DSP: variants seen among roughly 807,000 people sequenced by gnomAD.
The protein encoded by DSP is desmoplakin.
In DSP, 114 loss-of-function variants were observed where a neutral mutation model predicts 290.6. The observed-to-expected ratio is 0.39, with a 90% CI of 0.34 to 0.46. DSP has a LOEUF of 0.46. Ranked by LOEUF, DSP falls within the 20% of genes least tolerant of loss-of-function variation. DSP has a pLI of 0.99. For missense variants in DSP, 3,230 were observed against 3,495.8 expected (o/e 0.92, Z 1.92); for synonymous variants, 1,311 against 1,316.4 (o/e 1.00, Z 0.09).
intron 1 of DSP, among the ~76,000 whole-genome samples, chr6:7,553,684 T>C (rs1365849913): frequency 6.6e-6 from 1 of 152,208 alleles, no homozygotes; most frequent in Non-Finnish European, 1.5e-5. Flanking sequence ...CTCAGCAGTA[T>C]GAGAAACGGA....
chr6:7,570,312 C>T, intron 12 of DSP, 125 bp from the exon 13 acceptor site: 2 of 1,398,006 alleles, frequency 1.4e-6, no homozygotes, highest in Non-Finnish European at 2.0e-6. Flanking sequence ...AGTTATACCT[C>T]TACCTGTTAC....
rs752494572 is a variant in DSP, at chr6:7,542,008, C to T, written c.93C>T (p.Thr31=). The stretch of plus-strand genomic sequence containing the variant: ...GCCCGGACCTGCGCTACGAGGTGAC[C>T]AGCGGCGGCGGGGGCACCAGCAGGA... The part of the protein sequence containing the change: ...ESGPDLRYEV[T]SGGGGTSRMY... Residue 31 remains threonine (T), a synonymous_variant, in exon 1 of 24, where the codon ACC becomes ACT. Coordinates refer to ENST00000379802, the MANE Select transcript of DSP (RefSeq NM_004415.4). 2 of 1,592,102 alleles carry T rather than the reference C, an allele frequency of 1.3e-6. No homozygotes were observed. The highest frequency in any genetic ancestry group is 2.3e-5 in the East Asian group (1 of 43,702).
chr6:7,546,377 A>G (rs988726198), intron 1 of DSP, among the ~76,000 whole-genome samples: 1 of 152,212 alleles, frequency 6.6e-6, no homozygotes, highest in African/African-American at 2.4e-5. Flanking sequence ...ATGGTTATTA[A>G]ATTTAACTTG....
chr6:7,567,528 A>G, intron 9 of DSP, 79 bp downstream of exon 9: 1 of 1,331,700 alleles, frequency 7.5e-7, no homozygotes, highest in Non-Finnish European at 1.1e-6. Flanking sequence ...TAAAGCACTG[A>G]AAATAATCTT....
intron 8 of DSP, 56 bp downstream of exon 8, chr6:7,566,537 A>G (rs548059513): frequency 2.2e-6 from 3 of 1,373,036 alleles, no homozygotes; most frequent in African/African-American, 1.5e-5. Flanking sequence ...TTCATAAAGT[A>G]AGACTAACCA....
At chr6:7,546,035 G>GA (rs1237623625) in intron 1 of DSP, among the ~76,000 whole-genome samples, 1 of 152,242 alleles carries the variant, frequency 6.6e-6, no homozygotes, top group Admixed American at 6.5e-5. Flanking sequence ...TGAAGCCATT[G>GA]AAAGTCTCCT....
rs112253524 is a variant in DSP, at chr6:7,570,020, G to A, written c.1575-417G>A. On this transcript the variant is annotated intron_variant, in intron 12 of 23. Coordinates refer to ENST00000379802, the MANE Select transcript of DSP (RefSeq NM_004415.4). The stretch of plus-strand genomic sequence containing the variant: ...TGTAGGAAGAACATTCGTTTAACAG[G>A]TTGTCCATGGCAGATTCCTTTAAAC... Among the ~76,000 whole-genome samples the A allele has an allele frequency of 8.8e-3, 1,347 of 152,262 alleles. 22 individuals carry two copies. The highest frequency in any genetic ancestry group is 0.029 in the African/African-American group (1,221 of 41,526).
At chr6:7,573,908 C>G (rs568716497) in intron 15 of DSP, among the ~76,000 whole-genome samples, 178 bp from the exon 16 acceptor site, 16 of 152,194 alleles carry the variant, frequency 1.1e-4, no homozygotes, top group African/African-American at 3.6e-4. Context: ...TTTAGGTGCT[C>G]TTACCACACA....
At chr6:7,547,357 G>T (rs1223825111) in intron 1 of DSP, among the ~76,000 whole-genome samples, 3 of 151,994 alleles carry the variant, frequency 2.0e-5, no homozygotes, top group Non-Finnish European at 4.4e-5. Context: ...TACATTTCAT[G>T]AAAATGAAGA....
In DSP at chr6:7,565,291, T is replaced by C. The variant is rs1758825104; in HGVS notation, c.778-68T>C. On this transcript the variant is annotated intron_variant, in intron 6 of 23. Coordinates refer to ENST00000379802, the MANE Select transcript of DSP (RefSeq NM_004415.4). The surrounding 1 kb of genome is among the most constrained non-coding windows in gnomAD (Gnocchi z 4.2). ...TTAAAGGGACCACAGGTTTAATCTT[T>C]AAACCTGCAGAGAACACCAGTCACT... 2 of 1,593,686 alleles carry C rather than the reference T, an allele frequency of 1.3e-6. No individual in the cohort carries two copies. Among genetic ancestry groups the C allele is most frequent in the African/African-American group, 1.3e-5 (1 of 74,588 alleles).
chr6:7,585,016 C>G lies in DSP; in HGVS notation c.7754C>G (p.Ser2585Cys). 1 of 1,614,162 alleles carries G rather than the reference C, an allele frequency of 6.2e-7. No individual in the cohort carries two copies. Among genetic ancestry groups the G allele is most frequent in the East Asian group, 2.2e-5 (1 of 44,886 alleles). ...SGVSDDVFSSSRHESVSKIST... is the reference protein window; with the variant it reads ...SGVSDDVFSSCRHESVSKIST... ...GTCAGCGATGATGTTTTTAGCAGCT[C>G]CCGACATGAATCAGTAAGTAAGATT... Residue 2585 changes from serine to cysteine, a missense_variant, in exon 24 of 24, where the codon TCC becomes TGC. Physicochemically the swap from Ser to Cys is moderately radical, Grantham distance 112 (BLOSUM62 -1). Transcript: ENST00000379802.
At position 7,567,338 on chromosome 6, in the gene DSP, C is replaced by A; in HGVS notation, c.1045-16C>A. Reference sequence around the variant, plus strand: ...AACTGAGCTAGGCTAAGACAGCTGACATTTTCTTGTTTCAGGCCTATATGG... The same window carrying A: ...AACTGAGCTAGGCTAAGACAGCTGAAATTTTCTTGTTTCAGGCCTATATGG... On this transcript the variant is annotated splice_polypyrimidine_tract_variant and intron_variant, in intron 8 of 23. Coordinates refer to ENST00000379802, the MANE Select transcript of DSP (RefSeq NM_004415.4). The A allele has an allele frequency of 6.2e-7, 1 of 1,610,196 alleles. No individual in the cohort carries two copies. Among genetic ancestry groups the A allele is most frequent in the Non-Finnish European group, 8.5e-7 (1 of 1,176,672 alleles).
intron 1 of DSP, among the ~76,000 whole-genome samples, chr6:7,544,848 C>T (rs72825058): frequency 0.062 from 9,511 of 152,250 alleles, 426 homozygotes; most frequent in Middle Eastern, 0.11. Context: ...GAATCTGCAA[C>T]TACTTAATTT....
At chr6:7,561,185 C>CTTG (rs1758678780) in intron 4 of DSP, among the ~76,000 whole-genome samples, 1 of 152,176 alleles carries the variant, frequency 6.6e-6, no homozygotes, top group East Asian at 1.9e-4. Flanking sequence ...AACTCCTGAC[C>CTTG]TTGTGATCCG....
At chr6:7,573,543 A>G (rs1000659723) in intron 15 of DSP, among the ~76,000 whole-genome samples, 3 of 150,984 alleles carry the variant, frequency 2.0e-5, no homozygotes, top group Non-Finnish European at 4.4e-5. Flanking sequence ...ACGCCATTGC[A>G]CTCCAGCCTG....
Position 7,554,125 on chromosome 6 carries a change from A to ACACACACACACACACC in DSP, c.171-1592_171-1591insACACACACACACACCC, listed in dbSNP as rs772041102. Among the ~76,000 whole-genome samples the ACACACACACACACACC allele has an allele frequency of 9.1e-3, 1,307 of 144,244 alleles. 11 individuals are homozygous for ACACACACACACACACC. Among genetic ancestry groups the ACACACACACACACACC allele is most frequent in the Middle Eastern group, 0.022 (6 of 274 alleles). The allele number at this position is 144,244 out of a possible 152,430, so 94.6% of individuals were successfully genotyped here. The stretch of plus-strand genomic sequence containing the variant: ...CACACACACACACACACACACACAC[A>ACACACACACACACACC]CCCAGTTGGTTAGACAGGCATCAGA... On this transcript the variant is annotated intron_variant, in intron 1 of 23. Transcript: ENST00000379802.
At chr6:7,560,101 T>C (rs1333780584) in intron 4 of DSP, among the ~76,000 whole-genome samples, 1 of 152,210 alleles carries the variant, frequency 6.6e-6, no homozygotes, top group Non-Finnish European at 1.5e-5. Flanking sequence ...GGTAGAAATA[T>C]GCCACAATCA....
chr6:7,580,906 G>C lies in DSP; in HGVS notation c.4716G>C (p.Lys1572Asn). The change falls in exon 23 of 24, where the codon AAG becomes AAC. Residue 1572 changes from lysine (K) to asparagine (N), a missense_variant. Physicochemically the swap from Lys to Asn is moderately conservative, Grantham distance 94 (BLOSUM62 0). Around this residue, in one of 5 missense-constraint regions of DSP, gnomAD observed 1,714 missense variants for 1,844.5 expected, o/e 0.93. Transcript: ENST00000379802. The surrounding 1 kb of genome is among the most constrained non-coding windows in gnomAD (Gnocchi z 4.2). ...SLKELQLQKQ[K>N]VEEELNRLKR... The stretch of plus-strand genomic sequence containing the variant: ...AAGAGCTGCAGCTGCAGAAGCAGAA[G>C]GTGGAAGAGGAGCTGAATCGGCTGA... The C allele has an allele frequency of 2.5e-6, 4 of 1,614,160 alleles. No individual in the cohort carries two copies. Among genetic ancestry groups the C allele is most frequent in the Non-Finnish European group, 3.4e-6 (4 of 1,180,022 alleles).
Position 7,571,902 on chromosome 6 carries a change from T to G in DSP, c.1964T>G (p.Ile655Ser). Residue 655 changes from isoleucine (I) to serine (S), a missense_variant, in exon 15 of 24, where the codon ATT becomes AGT. Ile to Ser is a moderately radical substitution (Grantham distance 142). Around this residue, in one of 5 missense-constraint regions of DSP, gnomAD observed 1,714 missense variants for 1,844.5 expected, o/e 0.93. Transcript: ENST00000379802. Reference sequence around the variant, plus strand: ...CAAGATGTCAACCATAATAAAGTAATTGAAACCAACAGAGAAAATGACAAG... The same window carrying G: ...CAAGATGTCAACCATAATAAAGTAAGTGAAACCAACAGAGAAAATGACAAG... ...TCQDVNHNKV[I>S]ETNRENDKQE... The G allele has an allele frequency of 6.2e-7, 1 of 1,614,046 alleles. No homozygotes were observed. The highest frequency in any genetic ancestry group is 8.5e-7 in the Non-Finnish European group (1 of 1,180,030).
Sources: gnomAD v4.1 joint callset for allele counts (sites outside exome capture counted in the v4.1 genomes callset) on GRCh38, gnomAD v4.1.1 for gene constraint, gnomAD v4.1.1 regional missense constraint, Gnocchi (gnomAD v3.1) non-coding constraint, MANE v1.5 for transcripts, NCBI Gene and HGNC (gene_info 2026-07-23, HGNC 2026-07-21) for gene names.